The following TRPM3 variants were observed in gnomAD, a reference collection of about 807,000 sequenced individuals.
TRPM3 encodes long transient receptor potential channel 3.
Under a neutral mutation model 181.2 loss-of-function variants are expected in TRPM3, and 77 were observed. The ratio of observed to expected loss-of-function variants is 0.42; its 90% CI spans 0.35 to 0.51. The LOEUF (loss-of-function observed/expected upper bound fraction) is 0.51, where lower values mean the gene tolerates loss of function less well. Among genes scored for constraint, TRPM3 ranks in the 20% least tolerant of loss-of-function variants. TRPM3 has a pLI of 0.01. For synonymous variants in TRPM3, 745 were observed against 796.4 expected (o/e 0.94, Z 1.09); for missense variants, 1,759 against 2,196.7 (o/e 0.80, Z 3.98).
chr9:70,970,067 G>A (rs2097226194), intron 1 of TRPM3, among the ~76,000 whole-genome samples: 1 of 152,060 alleles, frequency 6.6e-6, no homozygotes, highest in Non-Finnish European at 1.5e-5. Flanking sequence ...ACAGAGTTGT[G>A]TCTGAATCCC....
At position 71,133,973 on chromosome 9, in the gene TRPM3, TTGTGTGTGTGTGTGTG is replaced by T. The variant is rs72198070; in HGVS notation, c.184-269478_184-269463del. On this transcript the variant is annotated intron_variant, in intron 1 of 24. Coordinates refer to the TRPM3 transcript ENST00000357533. ...TGCCTACTATCTAAACTGTGTGTGT[TTGTGTGTGTGTGTGTG>T]TGTGTGTGTGTGTGTGTGTGTGTGT... Among the ~76,000 whole-genome samples, 348 of 148,568 alleles carry T rather than the reference TTGTGTGTGTGTGTGTG, an allele frequency of 2.3e-3. 2 individuals carry two copies. Among genetic ancestry groups the T allele is most frequent in the African/African-American group, 6.9e-3 (278 of 40,302 alleles).
In TRPM3 at chr9:70,891,645, A is replaced by G. The variant is rs912037640; in HGVS notation, c.178-27134T>C. On this transcript the variant is annotated intron_variant, in intron 1 of 25. Coordinates refer to ENST00000677713, the MANE Select transcript of TRPM3 (RefSeq NM_001366145.2). ...AAAACTTAAATGGAAGTACTGGAAGATAAAGGTTTCAAATGAATGAAATTG... is the reference window on the plus strand; with the variant it reads ...AAAACTTAAATGGAAGTACTGGAAGGTAAAGGTTTCAAATGAATGAAATTG... 4.6e-5 allele frequency among the ~76,000 whole-genome samples: 7 copies of G among 152,252 alleles called. No individual in the cohort carries two copies. In the East Asian group the frequency reaches 1.3e-3, roughly 29 times the overall value.
rs1189055801 is a variant in TRPM3 at position 71,333,401 on chromosome 9, G to A, written c.183+113252C>T. Among the ~76,000 whole-genome samples the A allele has an allele frequency of 1.3e-5, 2 of 151,978 alleles. 1 individual carries two copies. Among genetic ancestry groups the A allele is most frequent in the Admixed American group, 1.3e-4 (2 of 15,262 alleles). On this transcript the variant is annotated intron_variant, in intron 1 of 24. Coordinates refer to the TRPM3 transcript ENST00000357533. Reference sequence around the variant, plus strand: ...ATAGAGATTTACTTCCAATGGGAGAGTAGGAACCAGCAAACATGACAAGAT... The same window carrying A: ...ATAGAGATTTACTTCCAATGGGAGAATAGGAACCAGCAAACATGACAAGAT...
intron 1 of TRPM3, among the ~76,000 whole-genome samples, chr9:71,380,714 T>C (rs1162144114): frequency 1.3e-5 from 2 of 152,074 alleles, no homozygotes. Context: ...TTTTCCTGAG[T>C]TTTGTCCCTT....
intron 1 of TRPM3, among the ~76,000 whole-genome samples, chr9:71,446,269 G>A (rs1425419370): frequency 1.3e-5 from 2 of 152,256 alleles, no homozygotes; most frequent in African/African-American, 4.8e-5. Flanking sequence ...CTCATTCAGC[G>A]GAGGCCGAGT....
At chr9:70,813,958 T>A (rs951650564) in intron 6 of TRPM3, among the ~76,000 whole-genome samples, 1 of 152,246 alleles carries the variant, frequency 6.6e-6, no homozygotes, top group Non-Finnish European at 1.5e-5. Context: ...GCTCTTCAAG[T>A]ATACAGCTAT....
intron 6 of TRPM3, among the ~76,000 whole-genome samples, chr9:70,815,085 A>C (rs2092570130): frequency 1.3e-5 from 2 of 152,100 alleles, no homozygotes. Context: ...GTGTCCTTTC[A>C]GGTATTTTTA....
intron 1 of TRPM3, among the ~76,000 whole-genome samples, chr9:71,156,043 C>T (rs1054391283): frequency 1.6e-4 from 25 of 151,990 alleles, no homozygotes; most frequent in Non-Finnish European, 7.4e-5. Context: ...TTTAAACTCC[C>T]CTTATAATCC....
At chr9:71,099,052 G>A (rs1220196934) in intron 1 of TRPM3, among the ~76,000 whole-genome samples, 3 of 152,170 alleles carry the variant, frequency 2.0e-5, no homozygotes, top group East Asian at 3.9e-4. Context: ...ATTAGCTGAT[G>A]TCTTAGTCCA....
chr9:71,298,309 G>A (rs977785299), intron 1 of TRPM3, among the ~76,000 whole-genome samples: 4 of 152,018 alleles, frequency 2.6e-5, no homozygotes, highest in African/African-American at 9.7e-5. Flanking sequence ...ATCTGGTTGG[G>A]TCAATCCAAC....
chr9:71,259,326 G>A (rs2082882271), intron 1 of TRPM3, among the ~76,000 whole-genome samples: 2 of 152,118 alleles, frequency 1.3e-5, no homozygotes, highest in Non-Finnish European at 2.9e-5. Flanking sequence ...CCAAGTCTTT[G>A]CTATTATGAA....
At chr9:70,568,428 G>T (rs554920948) in intron 22 of TRPM3, among the ~76,000 whole-genome samples, 202 of 152,276 alleles carry the variant, frequency 1.3e-3, no homozygotes, top group Admixed American at 2.7e-3. Flanking sequence ...AGGTTATAGA[G>T]GCTGATCATT....
intron 9 of TRPM3, among the ~76,000 whole-genome samples, chr9:70,675,503 T>C (rs1005358590): frequency 1.3e-5 from 2 of 152,246 alleles, no homozygotes; most frequent in Non-Finnish European, 2.9e-5. Context: ...TAATTATTGA[T>C]AGCATTAATT....
intron 1 of TRPM3, among the ~76,000 whole-genome samples, chr9:71,381,771 C>T (rs898096146): frequency 1.3e-5 from 2 of 152,116 alleles, no homozygotes; most frequent in Non-Finnish European, 2.9e-5. Flanking sequence ...CACTACACCA[C>T]TTTCTCTAAT....
chr9:70,613,628 C>T (rs1178845558), intron 18 of TRPM3, among the ~76,000 whole-genome samples: 1 of 152,172 alleles, frequency 6.6e-6, no homozygotes, highest in Non-Finnish European at 1.5e-5. Flanking sequence ...GCTGTCCAGC[C>T]CTGAGTTTGC....
intron 1 of TRPM3, among the ~76,000 whole-genome samples, chr9:71,044,733 G>A (rs566336369): frequency 1.9e-4 from 29 of 152,088 alleles, no homozygotes; most frequent in South Asian, 1.0e-3. Context: ...GTGCAGTGGC[G>A]CGGCCTCGGC....
chr9:70,605,469 A>G (rs1249465623), intron 19 of TRPM3, among the ~76,000 whole-genome samples: 1 of 145,038 alleles, frequency 6.9e-6, no homozygotes, highest in African/African-American at 2.8e-5. Context: ...CCAGGGGCCT[A>G]TCATTTCAAC....
chr9:70,781,923 A>G (rs1588253984), intron 7 of TRPM3, among the ~76,000 whole-genome samples: 2 of 152,194 alleles, frequency 1.3e-5, no homozygotes, highest in East Asian at 3.9e-4. Flanking sequence ...CCTGGCTTTC[A>G]TTGTGTATAC....
intron 1 of TRPM3, among the ~76,000 whole-genome samples, chr9:71,241,736 G>A (rs983268703): frequency 7.2e-5 from 11 of 152,160 alleles, no homozygotes; most frequent in Non-Finnish European, 1.3e-4. Flanking sequence ...TGCTTCATAA[G>A]CTTACTAATC....
Sources: allele counts gnomAD v4.1 joint callset (sites outside exome capture counted in the v4.1 genomes callset), GRCh38; gene constraint gnomAD v4.1.1; transcripts MANE v1.5; gene names NCBI Gene and HGNC (gene_info 2026-07-23, HGNC 2026-07-21).